Variants in LZTFL1 observed in about 807,000 individuals in gnomAD.
LZTFL1 encodes the protein leucine zipper transcription factor like 1.
LZTFL1 carries 25 observed loss-of-function variants against 45.9 expected under a neutral mutation model. The observed-to-expected ratio is 0.54, with a 90% CI of 0.40 to 0.76. LZTFL1 has a LOEUF of 0.76. LZTFL1 is among the 30% of genes least tolerant of loss of function. LZTFL1 has a pLI of 0.00. For synonymous variants in LZTFL1, 93 were observed against 117.4 expected, an observed-to-expected ratio of 0.79 and a Z score of 1.35; for missense variants, 277 against 331.1, an observed-to-expected ratio of 0.84 and a Z score of 1.27.
chr3:45,901,162 T>A lies in LZTFL1; in HGVS notation c.-215+11958A>T, dbSNP rs201241644. 6.2e-7 allele frequency: 1 copy of A among 1,614,242 alleles called. No individual in the cohort carries two copies. The highest frequency in any genetic ancestry group is 8.5e-7 in the Non-Finnish European group (1 of 1,180,040). On this transcript the variant is annotated intron_variant, in intron 2 of 4. Coordinates refer to the LZTFL1 transcript ENST00000472635. The surrounding 1 kb of genome is among the most constrained non-coding windows in gnomAD (Gnocchi z 4.3). ...TTCATGTGCAAGGTGGTCAACAGCA[T>A]GTACAAGATGAACTTCTACAGCTGT...
intron 2 of LZTFL1, among the ~76,000 whole-genome samples, chr3:45,872,472 T>C (rs1701685771): frequency 6.6e-6 from 1 of 152,148 alleles, no homozygotes; most frequent in African/African-American, 2.4e-5. Flanking sequence ...AGATGCTAAT[T>C]TATGAGCGTA....
intron 2 of LZTFL1, among the ~76,000 whole-genome samples, chr3:45,860,824 C>T (rs141750461): frequency 9.9e-5 from 15 of 152,212 alleles, no homozygotes; most frequent in East Asian, 5.8e-4. Context: ...TTAATAAGTA[C>T]GAAATCGTTG....
At chr3:45,898,596 G>A (rs1326378218) in intron 2 of LZTFL1, among the ~76,000 whole-genome samples, 1 of 152,182 alleles carries the variant, frequency 6.6e-6, no homozygotes. Flanking sequence ...CTCACATATT[G>A]GAGATGGAGT....
intron 2 of LZTFL1, among the ~76,000 whole-genome samples, chr3:45,887,804 T>C (rs1702028666): frequency 6.6e-6 from 1 of 152,262 alleles, no homozygotes; most frequent in Admixed American, 6.5e-5. Flanking sequence ...GGCAGGCATC[T>C]GATCCAGGCA....
intron 4 of LZTFL1, among the ~76,000 whole-genome samples, chr3:45,849,558 C>A (rs1335279431): frequency 1.3e-5 from 2 of 152,190 alleles, no homozygotes; most frequent in Non-Finnish European, 2.9e-5. Context: ...GAAGCTAAGA[C>A]ACCAATCTAA....
chr3:45,833,090 G>GC lies in LZTFL1; in HGVS notation c.415dup (p.Ala139GlyfsTer4). ...TGCTGTTCCACCTTCATTAAGTGGA[G>GC]CAAGTTTTGGCTTTGTGACATCTAA... On this transcript the variant is annotated frameshift_variant, in exon 5 of 10. Transcript: ENST00000296135. LOFTEE classifies it high-confidence loss of function. The GC allele has an allele frequency of 6.2e-7, 1 of 1,613,808 alleles. No individual in the cohort carries two copies. Among genetic ancestry groups the GC allele is most frequent in the South Asian group, 1.1e-5 (1 of 91,078 alleles).
intron 4 of LZTFL1, among the ~76,000 whole-genome samples, chr3:45,849,435 C>T (rs1175193868): frequency 1.3e-5 from 2 of 152,042 alleles, no homozygotes; most frequent in East Asian, 1.9e-4. Context: ...CACTGCTTTG[C>T]TAAAAATATT....
At chr3:45,854,183 G>A (rs892854699) in intron 4 of LZTFL1, among the ~76,000 whole-genome samples, 6 of 152,092 alleles carry the variant, frequency 3.9e-5, no homozygotes, top group African/African-American at 1.4e-4. Flanking sequence ...ATTCTCCTCA[G>A]CTGCTTTGTT....
chr3:45,838,188 C>CAGCCAGGAAG, intron 1 of LZTFL1, 137 bp from the exon 2 acceptor site: 1 of 909,554 alleles, frequency 1.1e-6, no homozygotes, highest in Non-Finnish European at 1.6e-6. Context: ...TTCCTGGCTG[C>CAGCCAGGAAG]ATGGCTGCCC....
chr3:45,857,993 TA>T (rs1701421126), intron 3 of LZTFL1, among the ~76,000 whole-genome samples: 1 of 152,252 alleles, frequency 6.6e-6, no homozygotes, highest in Non-Finnish European at 1.5e-5. Context: ...GATAATTTTA[TA>T]AAGGAAATGC....
At chr3:45,863,463 T>C (rs1264326601) in intron 2 of LZTFL1, among the ~76,000 whole-genome samples, 1 of 152,156 alleles carries the variant, frequency 6.6e-6, no homozygotes, top group African/African-American at 2.4e-5. Flanking sequence ...GGTTCTGGTC[T>C]TCAGGAGAAA....
At chr3:45,878,255 C>G (rs764596640) in intron 2 of LZTFL1, among the ~76,000 whole-genome samples, 5 of 152,146 alleles carry the variant, frequency 3.3e-5, no homozygotes, top group African/African-American at 1.2e-4. Context: ...AGCACCAGCC[C>G]GAGGCCTGAA....
intron 2 of LZTFL1, among the ~76,000 whole-genome samples, chr3:45,886,232 G>A (rs1701977034): frequency 6.6e-6 from 1 of 152,070 alleles, no homozygotes; most frequent in Non-Finnish European, 1.5e-5. Flanking sequence ...GTGCACCTCT[G>A]GCAAGCCTGA....
intron 6 of LZTFL1, 36 bp downstream of exon 6, chr3:45,831,037 C>A (rs775165257): frequency 6.2e-7 from 1 of 1,602,076 alleles, no homozygotes; most frequent in Non-Finnish European, 8.5e-7. Flanking sequence ...AATCTGTAGG[C>A]AGTTCAATAA....
intron 2 of LZTFL1, chr3:45,894,785 C>T: frequency 1.4e-6 from 1 of 723,980 alleles, no homozygotes. Context: ...CTAACTCCTG[C>T]TTGGAATATT....
At position 45,824,922 on chromosome 3, in the gene LZTFL1, T is replaced by C. The variant is rs368694537; in HGVS notation, c.*1392A>G. Reference sequence around the variant, plus strand: ...ATACATAGTAAATGCTGGCTCGTTATTGCATTTTATTCTCTCCCTTCTCTC... The same window carrying C: ...ATACATAGTAAATGCTGGCTCGTTACTGCATTTTATTCTCTCCCTTCTCTC... On this transcript the variant is annotated 3_prime_UTR_variant, in exon 10 of 10. Transcript: ENST00000296135. The C allele has an allele frequency of 3.5e-5, 14 of 398,416 alleles. No homozygotes were observed. The South Asian group carries it at 7.6e-4, about 22-fold the overall frequency. The allele number at this position is 398,416 out of a possible 1,614,324, so 24.7% of individuals were successfully genotyped here.
At position 45,825,963 on chromosome 3, in the gene LZTFL1, G is replaced by A; in HGVS notation, c.*351C>T. 1 of 219,388 alleles carries A rather than the reference G, an allele frequency of 4.6e-6. No individual in the cohort carries two copies. Among genetic ancestry groups the A allele is most frequent in the Non-Finnish European group, 8.9e-6 (1 of 112,880 alleles). 13.6% of individuals were successfully genotyped at this position (219,388 alleles called of 1,614,324 possible). On this transcript the variant is annotated 3_prime_UTR_variant, in exon 10 of 10. Transcript: ENST00000296135. ...TGGGGAATGCATAAGTACAAACATT[G>A]TTAGCTTATTTAACATTTATTAAAA...
Position 45,826,342 on chromosome 3 carries a change from T to A in LZTFL1, c.882-10A>T. The A allele has an allele frequency of 6.2e-7, 1 of 1,609,318 alleles. No individual in the cohort carries two copies. The highest frequency in any genetic ancestry group is 8.5e-7 in the Non-Finnish European group (1 of 1,176,220). ...ATCTTCAGGTTCATATCTGGAGATA[T>A]AAATTAAGAACACAATGTCAGGATA... On this transcript the variant is annotated splice_polypyrimidine_tract_variant and intron_variant, in intron 9 of 9. Transcript: ENST00000296135.
intron 2 of LZTFL1, among the ~76,000 whole-genome samples, chr3:45,899,122 C>T (rs749987202): frequency 2.6e-5 from 4 of 152,190 alleles, no homozygotes; most frequent in Admixed American, 6.5e-5. Context: ...GCCGAGATGG[C>T]GCCATTGCAC....
Sources: allele counts gnomAD v4.1 joint callset (sites outside exome capture counted in the v4.1 genomes callset), GRCh38; gene constraint gnomAD v4.1.1; non-coding constraint Gnocchi (gnomAD v3.1); transcripts MANE v1.5; gene names NCBI Gene and HGNC (gene_info 2026-07-23, HGNC 2026-07-21).